The following CLASP2 variants were observed in gnomAD, a reference collection of about 807,000 sequenced individuals.
The protein encoded by CLASP2 is cytoplasmic linker associated protein 2.
In CLASP2, 47 loss-of-function variants were observed where a neutral mutation model predicts 194.4. That is an observed-to-expected ratio of 0.24 (90% CI 0.19 to 0.31). CLASP2 has a LOEUF of 0.31. Ranked by LOEUF, CLASP2 falls within the 10% of genes least tolerant of loss-of-function variation. The pLI is 1.00. For missense variants in CLASP2, 1,445 were observed against 1,823.6 expected, an observed-to-expected ratio of 0.79 and a Z score of 3.78; for synonymous variants, 619 against 633.5, an observed-to-expected ratio of 0.98 and a Z score of 0.34.
At chr3:33,676,909 T>C (rs1279447400) in intron 6 of CLASP2, among the ~76,000 whole-genome samples, 2 of 152,178 alleles carry the variant, frequency 1.3e-5, no homozygotes, top group African/African-American at 4.8e-5. Context: ...GAACAGACAC[T>C]TCTCAAAAGA....
chr3:33,546,107 A>G (rs1346520157), intron 30 of CLASP2, among the ~76,000 whole-genome samples: 1 of 152,182 alleles, frequency 6.6e-6, no homozygotes, highest in East Asian at 1.9e-4. Context: ...AGTAAACTTG[A>G]GCAAATGAAC....
At chr3:33,671,295 G>C (rs2087135374) in intron 6 of CLASP2, among the ~76,000 whole-genome samples, 1 of 151,960 alleles carries the variant, frequency 6.6e-6, no homozygotes, top group South Asian at 2.1e-4. Flanking sequence ...CCTGTTTCAA[G>C]TAGTTCCTTT....
chr3:33,695,726 G>A (rs770063568), intron 2 of CLASP2, among the ~76,000 whole-genome samples: 28 of 152,190 alleles, frequency 1.8e-4, no homozygotes, highest in Non-Finnish European at 3.4e-4. Context: ...GACTGCTTGA[G>A]CCCAGGAATT....
chr3:33,586,500 T>C (rs2067403272), intron 21 of CLASP2, among the ~76,000 whole-genome samples: 1 of 152,136 alleles, frequency 6.6e-6, no homozygotes, highest in Non-Finnish European at 1.5e-5. Context: ...GTAGAGTTAG[T>C]AAAATCTTTT....
chr3:33,537,618 A>C (rs2057601154), intron 33 of CLASP2, among the ~76,000 whole-genome samples: 1 of 152,224 alleles, frequency 6.6e-6, no homozygotes, highest in Non-Finnish European at 1.5e-5. Context: ...TTAAATATGT[A>C]AGAATGTTGT....
intron 30 of CLASP2, among the ~76,000 whole-genome samples, chr3:33,547,577 G>A (rs2059346328): frequency 6.6e-6 from 1 of 152,154 alleles, no homozygotes; most frequent in African/African-American, 2.4e-5. Context: ...ATAAAGAGAT[G>A]CTGGTCTGTA....
chr3:33,549,150 A>C (rs1184436221), intron 30 of CLASP2, among the ~76,000 whole-genome samples: 1 of 152,128 alleles, frequency 6.6e-6, no homozygotes, highest in Non-Finnish European at 1.5e-5. Context: ...GTTTAGCTAA[A>C]GGTTTGTCAA....
At chr3:33,611,642 A>G (rs2075205070) in intron 13 of CLASP2, among the ~76,000 whole-genome samples, 1 of 152,132 alleles carries the variant, frequency 6.6e-6, no homozygotes, top group South Asian at 2.1e-4. Context: ...CTACTAACCT[A>G]TGCAGGGACT....
At chr3:33,600,688 C>T (rs1194242543) in intron 18 of CLASP2, among the ~76,000 whole-genome samples, 1 of 152,152 alleles carries the variant, frequency 6.6e-6, no homozygotes, top group African/African-American at 2.4e-5. Flanking sequence ...TTACTACATA[C>T]TATTTGGTAG....
At chr3:33,599,875 G>A (rs2071545325) in intron 18 of CLASP2, among the ~76,000 whole-genome samples, 1 of 152,006 alleles carries the variant, frequency 6.6e-6, no homozygotes, top group African/African-American at 2.4e-5. Context: ...GGGAACCTGG[G>A]TCAGATGAAG....
chr3:33,551,208 C>T, intron 30 of CLASP2, 44 bp downstream of exon 30: 2 of 1,549,122 alleles, frequency 1.3e-6, no homozygotes, highest in Non-Finnish European at 1.8e-6. Context: ...TAATAACTGA[C>T]TTGCTTTCCC....
chr3:33,563,880 C>G (rs2062195600), intron 27 of CLASP2: 2 of 456,086 alleles, frequency 4.4e-6, no homozygotes, highest in Admixed American at 4.7e-5. Flanking sequence ...GAAACATAAA[C>G]TCTTTATCCT....
chr3:33,506,835 C>A (rs2048383245), intron 37 of CLASP2, among the ~76,000 whole-genome samples: 1 of 151,930 alleles, frequency 6.6e-6, no homozygotes, highest in Non-Finnish European at 1.5e-5. Flanking sequence ...TTAAGTCTAC[C>A]TTTATGACAG....
intron 22 of CLASP2, among the ~76,000 whole-genome samples, chr3:33,583,239 C>T (rs1414755497): frequency 2.0e-5 from 3 of 152,128 alleles, no homozygotes; most frequent in Non-Finnish European, 4.4e-5. Context: ...GAAGGGAAAG[C>T]AATCCTAAAG....
At chr3:33,642,901 A>G (rs949969220) in intron 8 of CLASP2, among the ~76,000 whole-genome samples, 1 of 151,836 alleles carries the variant, frequency 6.6e-6, no homozygotes, top group Non-Finnish European at 1.5e-5. Context: ...AAGAAGAAAA[A>G]GGAGGAGGAA....
At chr3:33,538,320 T>G (rs2057753515) in intron 33 of CLASP2, among the ~76,000 whole-genome samples, 1 of 152,230 alleles carries the variant, frequency 6.6e-6, no homozygotes, top group Admixed American at 6.5e-5. Context: ...GTGGCTTTAT[T>G]TAGGTTTCAA....
chr3:33,673,628 A>T (rs1344850639), intron 6 of CLASP2, among the ~76,000 whole-genome samples: 1 of 152,242 alleles, frequency 6.6e-6, no homozygotes, highest in Non-Finnish European at 1.5e-5. Flanking sequence ...AAATGCTCCA[A>T]TTAAAAGACA....
Position 33,588,507 on chromosome 3 carries a change from T to C in CLASP2, c.2069-3587A>G, listed in dbSNP as rs200999518. 9.2e-5 allele frequency among the ~76,000 whole-genome samples: 14 copies of C among 152,326 alleles called. 1 individual carries two copies. The East Asian group carries it at 2.5e-3, about 27-fold the overall frequency. ...GAATGTTTATATCCACGGTATTAACTTGTGTCATTTAAAAAAAATCAAAAT... is the reference window on the plus strand; with the variant it reads ...GAATGTTTATATCCACGGTATTAACCTGTGTCATTTAAAAAAAATCAAAAT... On this transcript the variant is annotated intron_variant, in intron 21 of 38. Transcript: ENST00000682230.
At chr3:33,576,298 A>G (rs4629282) in intron 23 of CLASP2, 23 bp from the exon 24 acceptor site, 259,668 of 1,582,726 alleles carry the variant, frequency 0.16, 24,352 homozygotes, top group Admixed American at 0.38. Flanking sequence ...AAGAAGGAAA[A>G]TAGATTTGAA....
Sources: allele counts gnomAD v4.1 joint callset (sites outside exome capture counted in the v4.1 genomes callset), GRCh38; gene constraint gnomAD v4.1.1; transcripts MANE v1.5; gene names NCBI Gene and HGNC (gene_info 2026-07-23, HGNC 2026-07-21).